ADAM18: variants seen among roughly 807,000 people sequenced by gnomAD.
ADAM18 encodes the protein ADAM metallopeptidase domain 18.
In ADAM18, 117 loss-of-function variants were observed where a neutral mutation model predicts 94.4. That is an observed-to-expected ratio of 1.24 (90% confidence interval 1.07 to 1.45). The LOEUF is 1.45. ADAM18 is among the 40% of genes most tolerant of loss of function. The pLI is 0.00. For missense variants in ADAM18, 936 were observed against 880.0 expected, an observed-to-expected ratio of 1.06 and a Z score of -0.81; for synonymous variants, 327 against 291.6, an observed-to-expected ratio of 1.12 and a Z score of -1.24.
Position 39,648,530 on chromosome 8 carries a change from G to A in ADAM18, c.1230+3G>A, listed in dbSNP as rs1820446479. On this transcript the variant is annotated splice_donor_region_variant and intron_variant, in intron 12 of 19. Coordinates refer to ENST00000265707, the MANE Select transcript of ADAM18 (RefSeq NM_014237.3). ...AATGTGACTGTGGTAATAAAAATGT[G>A]AGTAACAAAGATTGAAACTCGAGCA... 6.3e-7 allele frequency: 1 copy of A among 1,584,558 alleles called. No homozygotes were observed. Among genetic ancestry groups the A allele is most frequent in the South Asian group, 1.2e-5 (1 of 85,266 alleles).
At chr8:39,676,517 G>T (rs1465157289) in intron 14 of ADAM18, among the ~76,000 whole-genome samples, 4 of 152,198 alleles carry the variant, frequency 2.6e-5, no homozygotes, top group African/African-American at 9.6e-5. Context: ...CAATATTTGG[G>T]TAGGAGTGCC....
intron 6 of ADAM18, among the ~76,000 whole-genome samples, chr8:39,624,412 T>C (rs1289658675): frequency 1.3e-5 from 2 of 152,208 alleles, no homozygotes; most frequent in African/African-American, 4.8e-5. Context: ...TAGAGGGTCC[T>C]TCCCCCAATT....
chr8:39,697,381 G>C (rs1404221172), intron 17 of ADAM18, among the ~76,000 whole-genome samples: 2 of 151,104 alleles, frequency 1.3e-5, no homozygotes, highest in East Asian at 1.9e-4. Context: ...AATTGCTTTG[G>C]CTAAAATTTT....
chr8:39,676,725 A>C (rs1398442006), intron 14 of ADAM18, among the ~76,000 whole-genome samples: 1 of 152,246 alleles, frequency 6.6e-6, no homozygotes, highest in Admixed American at 6.5e-5. Context: ...CATCTTCTGC[A>C]TCGATCACAC....
intron 17 of ADAM18, among the ~76,000 whole-genome samples, chr8:39,705,343 G>C (rs1394597691): frequency 6.6e-6 from 1 of 152,018 alleles, no homozygotes; most frequent in African/African-American, 2.4e-5. Context: ...TTCTTTTAAA[G>C]TTAGCAAAAT....
At chr8:39,626,866 A>T (rs931375932) in intron 6 of ADAM18, among the ~76,000 whole-genome samples, 3 of 152,078 alleles carry the variant, frequency 2.0e-5, no homozygotes, top group African/African-American at 7.2e-5. Context: ...TGATGAGAAG[A>T]ATATAGTTCT....
At chr8:39,709,998 G>C (rs1249556994) in intron 18 of ADAM18, among the ~76,000 whole-genome samples, 2 of 152,226 alleles carry the variant, frequency 1.3e-5, no homozygotes, top group Non-Finnish European at 2.9e-5. Context: ...CAATATCACT[G>C]CGTGTTTGAT....
intron 6 of ADAM18, among the ~76,000 whole-genome samples, chr8:39,622,946 G>A (rs1024861259): frequency 3.3e-5 from 5 of 152,044 alleles, no homozygotes; most frequent in Non-Finnish European, 4.4e-5. Context: ...GTATAGTGGT[G>A]ATGTCTGAGA....
At chr8:39,598,863 G>A (rs1020068895) in intron 2 of ADAM18, among the ~76,000 whole-genome samples, 2 of 151,640 alleles carry the variant, frequency 1.3e-5, no homozygotes, top group African/African-American at 2.4e-5. Flanking sequence ...CCAGGCTGGA[G>A]TGCCGTGGTG....
intron 16 of ADAM18, among the ~76,000 whole-genome samples, chr8:39,682,041 C>A (rs990595455): frequency 1.3e-5 from 2 of 151,998 alleles, no homozygotes; most frequent in East Asian, 3.9e-4. Context: ...AAAACATGGT[C>A]AAGAGTGAGA....
intron 16 of ADAM18, among the ~76,000 whole-genome samples, chr8:39,688,502 G>A (rs1034369340): frequency 6.6e-6 from 1 of 152,104 alleles, no homozygotes; most frequent in South Asian, 2.1e-4. Flanking sequence ...TTCTATTCCT[G>A]CATTAGTTTG....
chr8:39,597,214 A>T (rs1818768749), intron 2 of ADAM18, among the ~76,000 whole-genome samples: 1 of 151,884 alleles, frequency 6.6e-6, no homozygotes, highest in Non-Finnish European at 1.5e-5. Context: ...ATTTTCTTTT[A>T]ATCTGTGGTT....
chr8:39,712,255 A>C (rs1822431836), intron 18 of ADAM18, among the ~76,000 whole-genome samples: 2 of 152,198 alleles, frequency 1.3e-5, no homozygotes, highest in South Asian at 4.1e-4. Flanking sequence ...CTTCATGCTA[A>C]AAACTCTCAA....
intron 2 of ADAM18, among the ~76,000 whole-genome samples, chr8:39,602,498 C>A (rs777093035): frequency 6.6e-6 from 1 of 152,162 alleles, no homozygotes; most frequent in Non-Finnish European, 1.5e-5. Context: ...CAGATGAGAA[C>A]TTTAGGGTCA....
intron 2 of ADAM18, among the ~76,000 whole-genome samples, chr8:39,599,103 G>A (rs551760707): frequency 4.6e-5 from 7 of 152,184 alleles, no homozygotes; most frequent in South Asian, 2.1e-4. Context: ...GAGCCACTGC[G>A]CCAGGCTGGA....
intron 17 of ADAM18, among the ~76,000 whole-genome samples, chr8:39,706,415 T>C (rs1193900756): frequency 6.6e-6 from 1 of 152,148 alleles, no homozygotes; most frequent in African/African-American, 2.4e-5. Flanking sequence ...AGTGCATGAA[T>C]AGAAAATGTC....
intron 2 of ADAM18, among the ~76,000 whole-genome samples, chr8:39,603,127 C>T (rs776530492): frequency 2.6e-5 from 4 of 152,288 alleles, no homozygotes; most frequent in East Asian, 1.9e-4. Context: ...ATTGAAATGA[C>T]GACCCTTTCT....
intron 17 of ADAM18, among the ~76,000 whole-genome samples, chr8:39,706,085 A>C (rs1211677907): frequency 2.0e-5 from 3 of 152,148 alleles, no homozygotes; most frequent in Non-Finnish European, 4.4e-5. Context: ...TGAATTTTAC[A>C]AAATATGTAC....
intron 2 of ADAM18, among the ~76,000 whole-genome samples, chr8:39,593,219 C>T (rs192838330): frequency 4.7e-4 from 72 of 152,162 alleles, no homozygotes; most frequent in East Asian, 1.7e-3. Context: ...TCTATCCAGA[C>T]GATGAAACCT....
Sources: allele counts gnomAD v4.1 joint callset (sites outside exome capture counted in the v4.1 genomes callset), GRCh38; gene constraint gnomAD v4.1.1; transcripts MANE v1.5; gene names NCBI Gene and HGNC (gene_info 2026-07-23, HGNC 2026-07-21).